The following BCL2L13 variants were observed in gnomAD, a reference collection of about 807,000 sequenced individuals.
BCL2L13 encodes BCL2 like 13.
Under a neutral mutation model 25.8 loss-of-function variants are expected in BCL2L13, and 13 were observed. The observed-to-expected ratio is 0.50, with a 90% CI of 0.33 to 0.80. The LOEUF is 0.80. Ranked by LOEUF, BCL2L13 falls within the 30% of genes least tolerant of loss-of-function variation. The pLI, the probability that BCL2L13 is intolerant of heterozygous loss-of-function variation, is 0.02. For synonymous variants in BCL2L13, 244 were observed against 230.3 expected (o/e 1.06, Z -0.54); for missense variants, 504 against 574.9 (o/e 0.88, Z 1.26).
chr22:17,685,573 T>TG (rs1472694480), intron 3 of BCL2L13, among the ~76,000 whole-genome samples: 1 of 152,062 alleles, frequency 6.6e-6, no homozygotes, highest in Non-Finnish European at 1.5e-5. Context: ...CATGTATCAG[T>TG]ACTTCATTAC....
At chr22:17,649,115 T>G (rs993672535) in intron 1 of BCL2L13, among the ~76,000 whole-genome samples, 8 of 152,030 alleles carry the variant, frequency 5.3e-5, no homozygotes, top group African/African-American at 1.9e-4. Context: ...TTTTTTTTTT[T>G]GGGAGACGGA....
At chr22:17,658,414 T>C (rs535961198) in intron 2 of BCL2L13, among the ~76,000 whole-genome samples, 2 of 151,926 alleles carry the variant, frequency 1.3e-5, no homozygotes, top group Non-Finnish European at 2.9e-5. Flanking sequence ...TATTCCTGGC[T>C]GGGTGGGGTG....
intron 2 of BCL2L13, among the ~76,000 whole-genome samples, chr22:17,656,782 T>G (rs1360903633): frequency 6.6e-6 from 1 of 152,152 alleles, no homozygotes; most frequent in African/African-American, 2.4e-5. Context: ...CTGTTGTCAT[T>G]CTACTAAGTG....
chr22:17,727,387 T>G lies in BCL2L13; in HGVS notation c.1311T>G (p.Ser437=). ...GCGAGAAGAAGCCCGTGCCGCCGTCTGAGGGCAAGTCTAGACTGTCCCCCG... is the reference window on the plus strand; with the variant it reads ...GCGAGAAGAAGCCCGTGCCGCCGTCGGAGGGCAAGTCTAGACTGTCCCCCG... ...PASEKKPVPP[S]EGKSRLSPAG... Residue 437 remains serine, a synonymous_variant, in exon 7 of 7, where the codon TCT becomes TCG. Transcript: ENST00000317582. 2 of 1,614,180 alleles carry G rather than the reference T, an allele frequency of 1.2e-6. No homozygotes were observed. Among genetic ancestry groups the G allele is most frequent in the Non-Finnish European group, 1.7e-6 (2 of 1,180,026 alleles).
intron 3 of BCL2L13, among the ~76,000 whole-genome samples, chr22:17,686,517 CT>C (rs542476608): frequency 1.6e-3 from 228 of 139,976 alleles, no homozygotes; most frequent in African/African-American, 5.5e-3. Context: ...CTTTTTTTTT[CT>C]TTTTTTTTTT....
Position 17,727,440 on chromosome 22 carries a change from C to G in BCL2L13, c.1364C>G (p.Ser455Cys). 6.2e-7 allele frequency: 1 copy of G among 1,614,272 alleles called. No homozygotes were observed. The highest frequency in any genetic ancestry group is 8.5e-7 in the Non-Finnish European group (1 of 1,180,058). ...PAGEMKPMPL[S>C]EGKSILLFGG... ...GGTGAGATGAAGCCCATGCCGCTGT[C>G]TGAGGGCAAGTCTATACTGCTGTTT... The change falls in exon 7 of 7, where the codon TCT (serine) becomes TGT (cysteine). Residue 455 changes from serine to cysteine, a missense_variant. By Grantham distance (112) the Ser-to-Cys change is moderately radical (BLOSUM62 -1). Transcript: ENST00000317582.
At chr22:17,708,598 G>A (rs898708828) in intron 6 of BCL2L13, among the ~76,000 whole-genome samples, 1 of 152,118 alleles carries the variant, frequency 6.6e-6, no homozygotes, top group Non-Finnish European at 1.5e-5. Flanking sequence ...GGGACCTTGG[G>A]CAAGTTACTC....
At chr22:17,679,383 C>T (rs2059669129) in intron 2 of BCL2L13, among the ~76,000 whole-genome samples, 1 of 150,714 alleles carries the variant, frequency 6.6e-6, no homozygotes, top group Non-Finnish European at 1.5e-5. Context: ...GATTCTCCCA[C>T]CTCAGCCTAC....
In BCL2L13 at chr22:17,702,441, T is replaced by C. The variant is rs766380538; in HGVS notation, c.600+55T>C. On this transcript the variant is annotated intron_variant, in intron 6 of 6. Coordinates refer to ENST00000317582, the MANE Select transcript of BCL2L13 (RefSeq NM_015367.4). ...TCTTGAAAAAAAATTAGGTTTGTTG[T>C]TTTTCTTAAGAGATGGGTTCTTGCT... 33 of 1,439,758 alleles carry C rather than the reference T, an allele frequency of 2.3e-5. No homozygotes were observed. The South Asian group carries it at 4.4e-4, about 19-fold the overall frequency. The allele number at this position is 1,439,758 out of a possible 1,614,324, so 89.2% of individuals were successfully genotyped here. A position where few individuals can be genotyped will look rare whatever the true frequency, so the allele number is the denominator to read the frequency against.
chr22:17,638,776 G>C lies in BCL2L13; in HGVS notation c.-161G>C. Reference sequence around the variant, plus strand: ...GACCTCACCCTCCAACATGGCGGCGGCGGTAGATTAGGGCCGCGGGTCGGA... The same window carrying C: ...GACCTCACCCTCCAACATGGCGGCGCCGGTAGATTAGGGCCGCGGGTCGGA... On this transcript the variant is annotated 5_prime_UTR_variant, in exon 1 of 7. Transcript: ENST00000317582. 8.1e-7 allele frequency: 1 copy of C among 1,231,700 alleles called. No homozygotes were observed. The highest frequency in any genetic ancestry group is 1.0e-6 in the Non-Finnish European group (1 of 987,950). 76.3% of individuals were successfully genotyped at this position (1,231,700 alleles called of 1,614,324 possible). A position where few individuals can be genotyped will look rare whatever the true frequency, so the allele number is the denominator to read the frequency against.
chr22:17,650,111 C>A (rs951089017), intron 1 of BCL2L13, among the ~76,000 whole-genome samples: 3 of 150,266 alleles, frequency 2.0e-5, no homozygotes, highest in East Asian at 2.0e-4. Context: ...CTCAGGTGAT[C>A]TGCCCGTCTC....
At chr22:17,650,991 CTTTTT>C (rs35235295) in intron 1 of BCL2L13, among the ~76,000 whole-genome samples, 1 of 105,396 alleles carries the variant, frequency 9.5e-6, no homozygotes, top group Non-Finnish European at 1.8e-5. Flanking sequence ...CCATTCACTC[CTTTTT>C]TTTTTTTTTT....
At chr22:17,652,384 T>C (rs966758059) in intron 1 of BCL2L13, among the ~76,000 whole-genome samples, 3 of 152,112 alleles carry the variant, frequency 2.0e-5, no homozygotes, top group African/African-American at 4.8e-5. Context: ...TAGCCTGCAG[T>C]TGTGTAAAAT....
upstream of BCL2L13, chr22:17,638,692 G>C (rs974155126): frequency 6.3e-5 from 77 of 1,231,592 alleles, no homozygotes; most frequent in Non-Finnish European, 7.4e-5. Context: ...ATACCGTTCC[G>C]GATGTCAGGT....
chr22:17,694,517 A>T (rs759976), intron 4 of BCL2L13, among the ~76,000 whole-genome samples: 78,740 of 149,138 alleles, frequency 0.53, 21,124 homozygotes, highest in East Asian at 0.85. Flanking sequence ...AAAAAAAAAA[A>T]TTTTTTTTTA....
At chr22:17,703,776 G>A (rs953237604) in intron 6 of BCL2L13, 1 of 152,096 alleles carries the variant, frequency 6.6e-6, no homozygotes, top group Non-Finnish European at 1.5e-5. Flanking sequence ...TAAGAATTGC[G>A]ACAATTTATT....
intron 2 of BCL2L13, among the ~76,000 whole-genome samples, chr22:17,666,728 C>A (rs796292014): frequency 7.1e-5 from 10 of 140,242 alleles, no homozygotes; most frequent in African/African-American, 2.7e-4. Context: ...GTAGCACAGG[C>A]TGGAGTGCAG....
At chr22:17,674,359 C>A (rs2059510024) in intron 2 of BCL2L13, among the ~76,000 whole-genome samples, 2 of 152,052 alleles carry the variant, frequency 1.3e-5, no homozygotes, top group South Asian at 4.1e-4. Context: ...GTGGCTTACG[C>A]ACTTTGGGAG....
At chr22:17,676,024 C>T (rs905517882) in intron 2 of BCL2L13, among the ~76,000 whole-genome samples, 2 of 152,238 alleles carry the variant, frequency 1.3e-5, no homozygotes, top group Admixed American at 6.5e-5. Context: ...AATTTCTGTT[C>T]ACAGAGATAA....
Sources: gnomAD v4.1 joint callset for allele counts (sites outside exome capture counted in the v4.1 genomes callset) on GRCh38, gnomAD v4.1.1 for gene constraint, MANE v1.5 for transcripts, NCBI Gene and HGNC (gene_info 2026-07-23, HGNC 2026-07-21) for gene names.